ARHGEF3: variants seen among roughly 807,000 people sequenced by gnomAD.
The protein encoded by ARHGEF3 is Rho guanine nucleotide exchange factor 3.
A neutral mutation model predicts 63.2 loss-of-function variants in ARHGEF3; 28 were observed. That is an observed-to-expected ratio of 0.44 (90% confidence interval 0.33 to 0.61). ARHGEF3 has a LOEUF of 0.61. Among genes scored for constraint, ARHGEF3 ranks in the 20% least tolerant of loss-of-function variants. The pLI is 0.03. For missense variants in ARHGEF3, 533 were observed against 659.3 expected, an observed-to-expected ratio of 0.81 and a Z score of 2.10; for synonymous variants, 266 against 254.2, an observed-to-expected ratio of 1.05 and a Z score of -0.44.
intron 2 of ARHGEF3, among the ~76,000 whole-genome samples, chr3:57,013,300 G>T (rs139958665): frequency 1.3e-5 from 2 of 152,342 alleles, no homozygotes; most frequent in East Asian, 3.9e-4. Context: ...CCCTGGCATG[G>T]GATCCACTAG....
chr3:56,819,291 A>G (rs2038380392), intron 4 of ARHGEF3, among the ~76,000 whole-genome samples: 1 of 152,254 alleles, frequency 6.6e-6, no homozygotes, highest in African/African-American at 2.4e-5. Context: ...ATTGGTTGAC[A>G]TTTAAAAAGC....
chr3:56,765,954 C>T (rs989776529), intron 2 of ARHGEF3, among the ~76,000 whole-genome samples: 1 of 151,046 alleles, frequency 6.6e-6, no homozygotes, highest in African/African-American at 2.4e-5. Context: ...ACAAAATAAA[C>T]AAAAGAACTG....
intron 1 of ARHGEF3, among the ~76,000 whole-genome samples, chr3:56,785,128 C>T (rs1008765567): frequency 1.3e-5 from 2 of 152,152 alleles, no homozygotes; most frequent in East Asian, 3.8e-4. Flanking sequence ...TAGAGTTCCA[C>T]GTCACCTGCC....
intron 4 of ARHGEF3, among the ~76,000 whole-genome samples, chr3:56,862,911 A>G (rs193062727): frequency 6.6e-6 from 1 of 152,276 alleles, no homozygotes; most frequent in East Asian, 1.9e-4. Flanking sequence ...ACTCATTTGA[A>G]GAGTTTGGTT....
intron 7 of ARHGEF3, among the ~76,000 whole-genome samples, chr3:56,740,969 T>C (rs1008402287): frequency 2.0e-5 from 3 of 152,206 alleles, no homozygotes; most frequent in Non-Finnish European, 4.4e-5. Context: ...CCATGGCAGT[T>C]CCTTATGCAG....
rs1578504767 is a variant in ARHGEF3 at position 56,784,850 on chromosome 3, C to T, written c.97-11034G>A. Among the ~76,000 whole-genome samples, 3 of 152,244 alleles carry T rather than the reference C, an allele frequency of 2.0e-5. No homozygotes were observed. In the East Asian group the frequency reaches 5.8e-4, roughly 29 times the overall value. On this transcript the variant is annotated intron_variant, in intron 1 of 9. Coordinates refer to ENST00000296315, the MANE Select transcript of ARHGEF3 (RefSeq NM_019555.3). ...GTGCAATACCCTACGACCTTGGGCC[C>T]AAAATATAACCTCTATAAGCTAGTT...
intron 9 of ARHGEF3, among the ~76,000 whole-genome samples, chr3:56,729,840 T>A (rs1281110074): frequency 6.8e-6 from 1 of 147,440 alleles, no homozygotes; most frequent in East Asian, 2.1e-4. Flanking sequence ...CCCTCGTCGC[T>A]CTCAGAAACC....
At chr3:57,067,823 A>C (rs1156997948) in intron 1 of ARHGEF3, among the ~76,000 whole-genome samples, 4 of 151,350 alleles carry the variant, frequency 2.6e-5, no homozygotes, top group Admixed American at 6.6e-5. Context: ...ACTAAAAAAA[A>C]AAAACAAAAC....
intron 3 of ARHGEF3, among the ~76,000 whole-genome samples, chr3:56,886,722 T>C (rs776529516): frequency 6.6e-6 from 1 of 152,186 alleles, no homozygotes; most frequent in African/African-American, 2.4e-5. Flanking sequence ...TAAATCCTTA[T>C]ATGCATGATC....
chr3:56,995,668 A>AGAGAGAGAGAGAGAGAGG (rs1560116656), intron 2 of ARHGEF3, among the ~76,000 whole-genome samples: 6 of 133,080 alleles, frequency 4.5e-5, no homozygotes, highest in Non-Finnish European at 1.0e-4. Flanking sequence ...AGAGAGAGAG[A>AGAGAGAGAGAGAGAGAGG]GAGAATTTTT....
At chr3:56,741,294 G>A (rs952710121) in intron 7 of ARHGEF3, among the ~76,000 whole-genome samples, 20 of 142,522 alleles carry the variant, frequency 1.4e-4, no homozygotes, top group South Asian at 2.2e-4. Context: ...CAAGTGATTC[G>A]CTTGCCTCAG....
chr3:57,037,891 C>T (rs184172964), intron 1 of ARHGEF3, among the ~76,000 whole-genome samples: 1 of 150,580 alleles, frequency 6.6e-6, no homozygotes, highest in African/African-American at 2.4e-5. Context: ...CAAAACAAAA[C>T]AAAACAAAAC....
At chr3:56,847,748 T>C (rs537529277) in intron 4 of ARHGEF3, among the ~76,000 whole-genome samples, 1 of 152,304 alleles carries the variant, frequency 6.6e-6, no homozygotes, top group South Asian at 2.1e-4. Context: ...CAGCTAATTT[T>C]TGTATTTTTA....
At chr3:56,805,799 A>G (rs1165653899), upstream of ARHGEF3, among the ~76,000 whole-genome samples, 1 of 152,226 alleles carries the variant, frequency 6.6e-6, no homozygotes, top group Non-Finnish European at 1.5e-5. Context: ...GCCTGTAACA[A>G]TTTAAATAGT....
chr3:57,041,163 A>G (rs1704171591), intron 1 of ARHGEF3, among the ~76,000 whole-genome samples: 1 of 152,178 alleles, frequency 6.6e-6, no homozygotes, highest in Admixed American at 6.6e-5. Flanking sequence ...TTCTGTTCCT[A>G]GTTCTGATTG....
At chr3:56,801,966 T>C (rs758505930), upstream of ARHGEF3, 1 of 1,269,472 alleles carries the variant, frequency 7.9e-7, no homozygotes. Context: ...CGGAGCCGAG[T>C]GGGCGGGACC....
At chr3:57,042,651 A>AATATATAT (rs71076013) in intron 1 of ARHGEF3, among the ~76,000 whole-genome samples, 3 of 49,286 alleles carry the variant, frequency 6.1e-5, no homozygotes, top group African/African-American at 1.5e-4. Flanking sequence ...TATGTACATA[A>AATATATAT]ATATATATAT....
chr3:56,962,572 T>C (rs1700327217), intron 2 of ARHGEF3, among the ~76,000 whole-genome samples: 1 of 152,156 alleles, frequency 6.6e-6, no homozygotes, highest in South Asian at 2.1e-4. Context: ...ACCACTTCCA[T>C]AGAGGGATTC....
intron 2 of ARHGEF3, among the ~76,000 whole-genome samples, chr3:57,002,498 T>TTATATATATATATATATGTTA (rs1553802543): frequency 7.4e-5 from 1 of 13,494 alleles, no homozygotes; most frequent in Non-Finnish European, 1.5e-4. Flanking sequence ...TATATATATG[T>TTATATATATATATATATGTTA]TATATATATA....
Sources: gnomAD v4.1 joint callset for allele counts (sites outside exome capture counted in the v4.1 genomes callset) on GRCh38, gnomAD v4.1.1 for gene constraint, MANE v1.5 for transcripts, NCBI Gene and HGNC (gene_info 2026-07-23, HGNC 2026-07-21) for gene names.